OXR1: variants seen among roughly 807,000 people sequenced by gnomAD.
OXR1 encodes oxidation resistance protein 1.
Under a neutral mutation model 104.6 loss-of-function variants are expected in OXR1, and 41 were observed. The ratio of observed to expected loss-of-function variants is 0.39; its 90% CI spans 0.31 to 0.51. The LOEUF is 0.51. Among genes scored for constraint, OXR1 ranks in the 20% least tolerant of loss-of-function variants. OXR1 has a pLI of 0.77. For missense variants in OXR1, 955 were observed against 1,031.9 expected (o/e 0.93, Z 1.02); for synonymous variants, 348 against 348.4 (o/e 1.00, Z 0.01).
chr8:106,631,151 G>C (rs1822651298), intron 3 of OXR1, among the ~76,000 whole-genome samples: 1 of 152,170 alleles, frequency 6.6e-6, no homozygotes, highest in Non-Finnish European at 1.5e-5. Context: ...TTTTAGATGA[G>C]AGTAAGAGCT....
At chr8:106,323,941 A>C (rs1814342221) in intron 1 of OXR1, among the ~76,000 whole-genome samples, 1 of 152,218 alleles carries the variant, frequency 6.6e-6, no homozygotes, top group South Asian at 2.1e-4. Context: ...CCATTGTGGA[A>C]AGCAATATGG....
intron 2 of OXR1, among the ~76,000 whole-genome samples, chr8:106,366,391 C>T (rs1816469608): frequency 6.6e-6 from 1 of 152,140 alleles, no homozygotes; most frequent in African/African-American, 2.4e-5. Context: ...AAACACCACC[C>T]ATTTGTGGAC....
chr8:106,703,698 C>T (rs1485475686), intron 8 of OXR1, among the ~76,000 whole-genome samples: 3 of 151,192 alleles, frequency 2.0e-5, no homozygotes, highest in African/African-American at 7.4e-5. Context: ...AGTTTGGACA[C>T]AGCTTTTGAA....
intron 11 of OXR1, among the ~76,000 whole-genome samples, chr8:106,720,028 A>G (rs1832689411): frequency 6.6e-6 from 1 of 152,110 alleles, no homozygotes; most frequent in African/African-American, 2.4e-5. Context: ...GGATGGTCTC[A>G]ATCTCCTGCC....
intron 16 of OXR1, among the ~76,000 whole-genome samples, chr8:106,749,855 C>T (rs535440730): frequency 2.6e-5 from 4 of 151,946 alleles, no homozygotes; most frequent in East Asian, 1.9e-4. Flanking sequence ...TTTCCCCTCT[C>T]GGTTATGTAT....
At chr8:106,350,267 A>G (rs1815669051) in intron 1 of OXR1, among the ~76,000 whole-genome samples, 1 of 152,210 alleles carries the variant, frequency 6.6e-6, no homozygotes, top group African/African-American at 2.4e-5. Context: ...TCAGAAAATT[A>G]TAGCAGTATC....
intron 1 of OXR1, among the ~76,000 whole-genome samples, chr8:106,329,303 A>G (rs777202776): frequency 1.3e-5 from 2 of 150,848 alleles, no homozygotes; most frequent in Admixed American, 6.6e-5. Flanking sequence ...CACCATTTTG[A>G]AATACAAGGT....
In OXR1 at chr8:106,453,314, G is replaced by A. The variant is rs902157974; in HGVS notation, c.24-65629G>A. On this transcript the variant is annotated intron_variant, in intron 2 of 16. Transcript: ENST00000517566. ...CATGGTGCCTTGCCCTAAGTGTTGG[G>A]CTAACCAAAGGTAAAGTACATGGAC... 2.0e-5 allele frequency among the ~76,000 whole-genome samples: 3 copies of A among 152,124 alleles called. No homozygotes were observed. The East Asian group carries it at 5.8e-4, about 29-fold the overall frequency.
chr8:106,634,012 C>T (rs188340672), intron 3 of OXR1, among the ~76,000 whole-genome samples: 114 of 152,244 alleles, frequency 7.5e-4, no homozygotes, highest in African/African-American at 2.7e-3. Context: ...ACAATAATCT[C>T]CCTTGGTTTT....
intron 3 of OXR1, among the ~76,000 whole-genome samples, chr8:106,551,536 G>A (rs1295615299): frequency 6.6e-6 from 1 of 152,058 alleles, no homozygotes; most frequent in Non-Finnish European, 1.5e-5. Flanking sequence ...AGTTTCAAAT[G>A]CTGAAGGCAA....
At chr8:106,494,145 G>T (rs1811272853) in intron 2 of OXR1, among the ~76,000 whole-genome samples, 1 of 152,142 alleles carries the variant, frequency 6.6e-6, no homozygotes, top group African/African-American at 2.4e-5. Flanking sequence ...ACATGCTGCA[G>T]TTCATAGCTC....
intron 11 of OXR1, chr8:106,726,122 G>A: frequency 7.1e-7 from 1 of 1,403,354 alleles, no homozygotes; most frequent in South Asian, 1.5e-5. Context: ...TTTGTCTCTA[G>A]CAAACTGTTT....
intron 3 of OXR1, among the ~76,000 whole-genome samples, chr8:106,592,022 C>T (rs1475743709): frequency 6.6e-6 from 1 of 152,240 alleles, no homozygotes; most frequent in East Asian, 1.9e-4. Flanking sequence ...TTAACACTGT[C>T]TGTCACCCAG....
intron 2 of OXR1, among the ~76,000 whole-genome samples, chr8:106,360,976 G>A (rs899937203): frequency 2.0e-5 from 3 of 152,150 alleles, no homozygotes; most frequent in African/African-American, 4.8e-5. Flanking sequence ...AGTGTGCAGT[G>A]CAGCCTGGTT....
Position 106,707,124 on chromosome 8 carries a change from T to C in OXR1, c.1603T>C (p.Ser535Pro). Residue 535 changes from serine (S) to proline (P), a missense_variant, in exon 9 of 17, where the codon TCT (serine) becomes CCT (proline). Ser to Pro is a moderately conservative substitution (Grantham distance 74). Around this residue, in one of 2 missense-constraint regions of OXR1, gnomAD observed 849 missense variants for 852.9 expected, o/e 1.00. Transcript: ENST00000517566. ...SQKEAKHKITSADGHIESSAL... is the reference protein window; with the variant it reads ...SQKEAKHKITPADGHIESSAL... Reference sequence around the variant, plus strand: ...AAAAGAAGCTAAGCATAAAATTACATCTGCTGATGGACACATAGAAAGTAA... The same window carrying C: ...AAAAGAAGCTAAGCATAAAATTACACCTGCTGATGGACACATAGAAAGTAA... 6.2e-7 allele frequency: 1 copy of C among 1,613,688 alleles called. No individual in the cohort carries two copies. Among genetic ancestry groups the C allele is most frequent in the Non-Finnish European group, 8.5e-7 (1 of 1,179,726 alleles).
At chr8:106,334,395 T>C (rs1369645257) in intron 1 of OXR1, among the ~76,000 whole-genome samples, 1 of 152,194 alleles carries the variant, frequency 6.6e-6, no homozygotes, top group Non-Finnish European at 1.5e-5. Flanking sequence ...CAAGTATTTT[T>C]ACTTTTTCCT....
intron 1 of OXR1, among the ~76,000 whole-genome samples, chr8:106,316,533 A>G (rs908007285): frequency 1.3e-5 from 2 of 152,192 alleles, no homozygotes; most frequent in Middle Eastern, 3.2e-3. Context: ...TTTACAAATG[A>G]AGATAAATGA....
At chr8:106,276,371 AGACT>A (rs1276582652) in intron 1 of OXR1, among the ~76,000 whole-genome samples, 1 of 152,202 alleles carries the variant, frequency 6.6e-6, no homozygotes, top group Non-Finnish European at 1.5e-5. Flanking sequence ...TGTTTGGAAA[AGACT>A]GACTGATGAG....
rs1416436070 is a variant in OXR1, at chr8:106,683,325, T to C, written c.411+19T>C. On this transcript the variant is annotated intron_variant, in intron 5 of 16. Transcript: ENST00000517566. ...TGGACAGGTAGTATCTTTTTTTTAA[T>C]GTGCTGATGTTTAGAAACATTAAAC... The C allele has an allele frequency of 2.7e-6, 3 of 1,127,934 alleles. No homozygotes were observed. The African/African-American group carries it at 4.6e-5, about 17-fold the overall frequency. The allele number at this position is 1,127,934 out of a possible 1,614,324, so 69.9% of individuals were successfully genotyped here. A position where few individuals can be genotyped will look rare whatever the true frequency, so the allele number is the denominator to read the frequency against.
Sources: gnomAD v4.1 joint callset for allele counts (sites outside exome capture counted in the v4.1 genomes callset) on GRCh38, gnomAD v4.1.1 for gene constraint, gnomAD v4.1.1 regional missense constraint, MANE v1.5 for transcripts, NCBI Gene and HGNC (gene_info 2026-07-23, HGNC 2026-07-21) for gene names.